Variants in TMEM170B observed in about 807,000 individuals in gnomAD.
TMEM170B encodes transmembrane protein 170B.
Under a neutral mutation model 13.0 loss-of-function variants are expected in TMEM170B, and 6 were observed. The ratio of observed to expected loss-of-function variants is 0.46; its 90% confidence interval spans 0.25 to 0.91. The LOEUF is 0.91. Among genes scored for constraint, TMEM170B ranks in the 40% least tolerant of loss-of-function variants. The pLI, the probability that TMEM170B is intolerant of heterozygous loss-of-function variation, is 0.17. For missense variants in TMEM170B, 138 were observed against 165.2 expected, an observed-to-expected ratio of 0.84 and a Z score of 0.90; for synonymous variants, 61 against 64.9, an observed-to-expected ratio of 0.94 and a Z score of 0.29.
intron 1 of TMEM170B, among the ~76,000 whole-genome samples, chr6:11,549,079 TAAAA>T (rs892016694): frequency 6.6e-6 from 1 of 151,856 alleles, no homozygotes; most frequent in Non-Finnish European, 1.5e-5. Flanking sequence ...ATAATAATAA[TAAAA>T]AAAGAGTGGT....
intron 1 of TMEM170B, among the ~76,000 whole-genome samples, chr6:11,541,508 G>T (rs59537407): frequency 1.3e-5 from 2 of 152,116 alleles, no homozygotes; most frequent in African/African-American, 4.8e-5. Flanking sequence ...CTTTCTCTGG[G>T]TTAGGCTTTG....
chr6:11,549,473 C>T (rs1001635494), intron 1 of TMEM170B, among the ~76,000 whole-genome samples: 2 of 152,072 alleles, frequency 1.3e-5, no homozygotes, highest in African/African-American at 4.8e-5. Flanking sequence ...ACCATCCTGG[C>T]TAACATGGTG....
chr6:11,553,433 G>C (rs557660790), intron 1 of TMEM170B, among the ~76,000 whole-genome samples: 1 of 152,090 alleles, frequency 6.6e-6, no homozygotes, highest in Non-Finnish European at 1.5e-5. Context: ...TCCCTTCTTG[G>C]ATAATTGGGG....
In TMEM170B at chr6:11,569,007, G is replaced by A. The variant is rs1249607910; in HGVS notation, c.268+3171G>A. 2.0e-5 allele frequency among the ~76,000 whole-genome samples: 3 copies of A among 152,116 alleles called. No individual in the cohort carries two copies. The South Asian group carries it at 6.2e-4, about 31-fold the overall frequency. ...GTTTAATTTTAGCCAGTCTAAAAGTGTAAAGTAAGTTCTCATTGTTGGTTT... is the reference window on the plus strand; with the variant it reads ...GTTTAATTTTAGCCAGTCTAAAAGTATAAAGTAAGTTCTCATTGTTGGTTT... On this transcript the variant is annotated intron_variant, in intron 2 of 2. Coordinates refer to ENST00000379426, the MANE Select transcript of TMEM170B (RefSeq NM_001100829.3).
Position 11,575,743 on chromosome 6 carries a change from G to A in TMEM170B, c.*182G>A, listed in dbSNP as rs1310061592. The stretch of plus-strand genomic sequence containing the variant: ...CTGGTGTTCAAGTGATTGCACTACC[G>A]CACTGCACCTTATGTGCCTCTGTCT... On this transcript the variant is annotated 3_prime_UTR_variant, in exon 3 of 3. Coordinates refer to ENST00000379426, the MANE Select transcript of TMEM170B (RefSeq NM_001100829.3). The surrounding 1 kb of genome is among the most constrained non-coding windows in gnomAD (Gnocchi z 4.1). 1.6e-5 allele frequency: 10 copies of A among 607,274 alleles called. No individual in the cohort carries two copies. The highest frequency in any genetic ancestry group is 3.2e-5 in the Admixed American group (1 of 31,530). The allele number at this position is 607,274 out of a possible 1,614,324, so 37.6% of individuals were successfully genotyped here.
chr6:11,553,597 T>C (rs1308607956), intron 1 of TMEM170B, among the ~76,000 whole-genome samples: 4 of 152,206 alleles, frequency 2.6e-5, no homozygotes, highest in South Asian at 2.1e-4. Context: ...TCCTCACTTA[T>C]AATACTATCT....
At chr6:11,561,864 A>G (rs1159317795) in intron 1 of TMEM170B, among the ~76,000 whole-genome samples, 1 of 152,224 alleles carries the variant, frequency 6.6e-6, no homozygotes, top group Non-Finnish European at 1.5e-5. Flanking sequence ...TGGTTTTTAT[A>G]AAACATTAAA....
chr6:11,571,304 G>C (rs907472509), intron 2 of TMEM170B, among the ~76,000 whole-genome samples: 5 of 151,828 alleles, frequency 3.3e-5, no homozygotes, highest in African/African-American at 1.2e-4. Flanking sequence ...TCCCAACTCA[G>C]CCTCCTGAGT....
intron 1 of TMEM170B, among the ~76,000 whole-genome samples, chr6:11,555,096 C>T (rs1339496115): frequency 6.6e-6 from 1 of 151,924 alleles, no homozygotes; most frequent in Non-Finnish European, 1.5e-5. Context: ...GAGCTTTTTT[C>T]TTTCTGACAA....
chr6:11,557,454 A>C (rs924792058), intron 1 of TMEM170B, among the ~76,000 whole-genome samples: 7 of 152,228 alleles, frequency 4.6e-5, no homozygotes, highest in Non-Finnish European at 1.0e-4. Context: ...ACCATGGCAC[A>C]CATTTACCTA....
At position 11,575,750 on chromosome 6, in the gene TMEM170B, A is replaced by T; in HGVS notation, c.*189A>T. 6.9e-6 allele frequency: 4 copies of T among 575,854 alleles called. No individual in the cohort carries two copies. The South Asian group carries it at 9.8e-5, about 14-fold the overall frequency. 35.7% of individuals were successfully genotyped at this position (575,854 alleles called of 1,614,324 possible). ...TCAAGTGATTGCACTACCGCACTGC[A>T]CCTTATGTGCCTCTGTCTCAGGCAA... On this transcript the variant is annotated 3_prime_UTR_variant, in exon 3 of 3. Coordinates refer to ENST00000379426, the MANE Select transcript of TMEM170B (RefSeq NM_001100829.3). This position sits in a 1 kb window ranked among gnomAD's most constrained non-coding sequence, Gnocchi z 4.1.
chr6:11,574,832 A>T (rs1347618679), intron 2 of TMEM170B, among the ~76,000 whole-genome samples: 1 of 152,114 alleles, frequency 6.6e-6, no homozygotes, highest in Non-Finnish European at 1.5e-5. Flanking sequence ...TTCTTATTAG[A>T]CGTCAAGATA....
intron 1 of TMEM170B, among the ~76,000 whole-genome samples, chr6:11,554,292 T>C (rs1019836325): frequency 1.3e-5 from 2 of 152,028 alleles, no homozygotes; most frequent in Non-Finnish European, 2.9e-5. Flanking sequence ...AAATGTTTTT[T>C]TGTATGATAC....
At chr6:11,539,686 C>G (rs562683420) in intron 1 of TMEM170B, among the ~76,000 whole-genome samples, 13 of 152,258 alleles carry the variant, frequency 8.5e-5, no homozygotes, top group African/African-American at 3.1e-4. Context: ...TGTTATAATT[C>G]TGGAAAACTA....
chr6:11,540,649 G>A (rs1759347250), intron 1 of TMEM170B, among the ~76,000 whole-genome samples: 3 of 152,196 alleles, frequency 2.0e-5, no homozygotes, highest in Non-Finnish European at 4.4e-5. Context: ...TCCTATGAAA[G>A]TTGATATTTG....
At position 11,540,091 on chromosome 6, in the gene TMEM170B, G is replaced by A. The variant is rs191721942; in HGVS notation, c.97+1717G>A. On this transcript the variant is annotated intron_variant, in intron 1 of 2. Coordinates refer to ENST00000379426, the MANE Select transcript of TMEM170B (RefSeq NM_001100829.3). The stretch of plus-strand genomic sequence containing the variant: ...GATCATCTGAGCCTTCAGCAAGGAC[G>A]TTATCTTTTTTCTGGTAGAGGGTCT... Among the ~76,000 whole-genome samples, 3 of 152,342 alleles carry A rather than the reference G, an allele frequency of 2.0e-5. No individual in the cohort carries two copies. The East Asian group carries it at 5.8e-4, about 29-fold the overall frequency.
intron 2 of TMEM170B, among the ~76,000 whole-genome samples, chr6:11,571,922 A>G (rs1448959083): frequency 6.6e-6 from 1 of 152,198 alleles, no homozygotes; most frequent in East Asian, 1.9e-4. Flanking sequence ...GGCTAATAAT[A>G]TGTGAAGAGA....
chr6:11,541,099 G>A (rs967378779), intron 1 of TMEM170B, among the ~76,000 whole-genome samples: 2 of 152,098 alleles, frequency 1.3e-5, no homozygotes, highest in Non-Finnish European at 2.9e-5. Flanking sequence ...GGTAGATTTA[G>A]CATAATTCTC....
At position 11,544,949 on chromosome 6, in the gene TMEM170B, G is replaced by GT. The variant is rs113858583; in HGVS notation, c.97+6585dup. 1.7e-3 allele frequency among the ~76,000 whole-genome samples: 245 copies of GT among 147,050 alleles called. 2 individuals are homozygous for GT. Among genetic ancestry groups the GT allele is most frequent in the South Asian group, 1.5e-3 (7 of 4,674 alleles). On this transcript the variant is annotated intron_variant, in intron 1 of 2. Transcript: ENST00000379426. ...ACTTTTAAAAAATCTACAATTAAAT[G>GT]TTTTTTTTTTGGCTTTACTTTTATT... is the stretch of plus-strand genomic sequence containing the variant.
Sources: allele counts gnomAD v4.1 joint callset (sites outside exome capture counted in the v4.1 genomes callset), GRCh38; gene constraint gnomAD v4.1.1; non-coding constraint Gnocchi (gnomAD v3.1); transcripts MANE v1.5; gene names NCBI Gene and HGNC (gene_info 2026-07-23, HGNC 2026-07-21).